The following YWHAE variants were observed in gnomAD, a reference collection of about 807,000 sequenced individuals.
YWHAE encodes 14-3-3 protein epsilon.
Under a neutral mutation model 30.1 loss-of-function variants are expected in YWHAE, and 4 were observed. That is an observed-to-expected ratio of 0.13 (90% CI 0.07 to 0.30). YWHAE has a LOEUF of 0.30. Ranked by LOEUF, YWHAE falls within the 10% of genes least tolerant of loss-of-function variation. YWHAE has a pLI of 1.00. For missense variants in YWHAE, 121 were observed against 315.9 expected (o/e 0.38, Z 4.68); for synonymous variants, 118 against 111.8 (o/e 1.06, Z -0.35).
chr17:1,348,155 A>G (rs2072558287), intron 5 of YWHAE: 1 of 183,360 alleles, frequency 5.5e-6, no homozygotes, highest in South Asian at 1.9e-4. Context: ...CTAAGCAACA[A>G]TCTGTCTACT....
At chr17:1,355,145 A>T (rs1233002955) in intron 4 of YWHAE, among the ~76,000 whole-genome samples, 2 of 117,592 alleles carry the variant, frequency 1.7e-5, no homozygotes, top group East Asian at 2.4e-4. Context: ...AAAAAAAAAA[A>T]AAATTTTTTT....
rs1382873379 is a variant in YWHAE at position 1,345,344 on chromosome 17, TAA to T, written c.*101_*102del. The T allele has an allele frequency of 8.3e-7, 1 of 1,199,248 alleles. No individual in the cohort carries two copies. Among genetic ancestry groups the T allele is most frequent in the African/African-American group, 1.6e-5 (1 of 63,584 alleles). 74.3% of individuals were successfully genotyped at this position (1,199,248 alleles called of 1,614,324 possible). On this transcript the variant is annotated 3_prime_UTR_variant, in exon 6 of 6. Transcript: ENST00000264335. ...GGAACCTAAATTCTGAGACCAAATG[TAA>T]AAGTCAGATTTGGTGGTTCTCAGTG...
intron 1 of YWHAE, among the ~76,000 whole-genome samples, chr17:1,373,696 T>C (rs1294631270): frequency 2.0e-5 from 3 of 151,394 alleles, no homozygotes; most frequent in South Asian, 4.1e-4. Flanking sequence ...TTTGAAATAC[T>C]GCACAAGGTA....
chr17:1,371,898 A>C (rs1266763214), intron 1 of YWHAE, among the ~76,000 whole-genome samples: 7 of 146,448 alleles, frequency 4.8e-5, no homozygotes. Flanking sequence ...GAGTGCTGTC[A>C]CAACGTCTCA....
chr17:1,388,777 TTAAG>T (rs1428277027), intron 1 of YWHAE, among the ~76,000 whole-genome samples: 1 of 152,184 alleles, frequency 6.6e-6, no homozygotes, highest in Non-Finnish European at 1.5e-5. Flanking sequence ...ATATTCTGCA[TTAAG>T]TATTTCATAC....
intron 4 of YWHAE, among the ~76,000 whole-genome samples, chr17:1,357,876 G>A (rs559378674): frequency 6.0e-4 from 91 of 151,444 alleles, no homozygotes; most frequent in African/African-American, 2.1e-3. Context: ...GCAGTGAGCT[G>A]AGATTGCACC....
At chr17:1,355,173 G>T (rs7406584) in intron 4 of YWHAE, among the ~76,000 whole-genome samples, 15,696 of 24,776 alleles carry the variant, frequency 0.63, 4,189 homozygotes, top group South Asian at 0.79. Context: ...TTTTTTTTTT[G>T]GGGGACGGGG....
At chr17:1,392,162 G>A (rs937592355) in intron 1 of YWHAE, among the ~76,000 whole-genome samples, 1 of 151,902 alleles carries the variant, frequency 6.6e-6, no homozygotes, top group African/African-American at 2.4e-5. Flanking sequence ...CCCAGCCTGA[G>A]TAATATACTG....
At chr17:1,393,135 A>AAAATAAATAAAT (rs147882027) in intron 1 of YWHAE, among the ~76,000 whole-genome samples, 7 of 144,258 alleles carry the variant, frequency 4.9e-5, no homozygotes, top group Non-Finnish European at 1.1e-4. Context: ...ATCTCTCCAA[A>AAAATAAATAAAT]AAATAAATAA....
rs369088116 is a variant in YWHAE, at chr17:1,400,030, T to A, written c.64+17A>T. On this transcript the variant is annotated intron_variant, in intron 1 of 5. Transcript: ENST00000264335. ...AGGGTCCGAGAATTCCAGCCCCCCG[T>A]TGCCCCCCCAACTCACCGTCGTATC... 6.8e-4 allele frequency: 635 copies of A among 935,776 alleles called. No homozygotes were observed. Among genetic ancestry groups the A allele is most frequent in the Non-Finnish European group, 9.9e-4 (582 of 590,308 alleles). 58.0% of individuals were successfully genotyped at this position (935,776 alleles called of 1,614,324 possible). A position where few individuals can be genotyped will look rare whatever the true frequency, so the allele number is the denominator to read the frequency against.
chr17:1,389,372 A>G (rs2073355363), intron 1 of YWHAE, among the ~76,000 whole-genome samples: 2 of 152,196 alleles, frequency 1.3e-5, no homozygotes, highest in Admixed American at 6.6e-5. Flanking sequence ...ATTAAGTAGT[A>G]TTTAGTAGCT....
At chr17:1,360,018 A>G (rs989338999) in intron 4 of YWHAE, among the ~76,000 whole-genome samples, 4 of 151,438 alleles carry the variant, frequency 2.6e-5, no homozygotes, top group Admixed American at 6.6e-5. Context: ...GCTACAGTGT[A>G]CTGGTGCAAT....
intron 1 of YWHAE, among the ~76,000 whole-genome samples, chr17:1,395,398 A>G (rs1017801727): frequency 6.6e-6 from 1 of 151,690 alleles, no homozygotes; most frequent in African/African-American, 2.4e-5. Flanking sequence ...GTGTGGTGGC[A>G]CGCGCCTGTA....
At position 1,356,934 on chromosome 17, in the gene YWHAE, T is replaced by A. The variant is rs142855714; in HGVS notation, c.579-2587A>T. ...CTTTCACTTAAAAACCCTACTTTGCTTAAGCAGTTGTCCTCAAACAAACCA... is the reference window on the plus strand; with the variant it reads ...CTTTCACTTAAAAACCCTACTTTGCATAAGCAGTTGTCCTCAAACAAACCA... On this transcript the variant is annotated intron_variant, in intron 4 of 5. Coordinates refer to ENST00000264335, the MANE Select transcript of YWHAE (RefSeq NM_006761.5). 4.8e-3 allele frequency among the ~76,000 whole-genome samples: 723 copies of A among 151,568 alleles called. 5 individuals are homozygous for A. Among genetic ancestry groups the A allele is most frequent in the African/African-American group, 0.017 (686 of 41,284 alleles).
chr17:1,359,385 T>C (rs546512041), intron 4 of YWHAE, among the ~76,000 whole-genome samples: 1 of 151,528 alleles, frequency 6.6e-6, no homozygotes, highest in Non-Finnish European at 1.5e-5. Flanking sequence ...CTCAAGCAAA[T>C]ACTTAGTGCA....
chr17:1,354,976 T>TG (rs2072706572), intron 4 of YWHAE, among the ~76,000 whole-genome samples: 2 of 68,540 alleles, frequency 2.9e-5, no homozygotes, highest in Admixed American at 2.4e-4. Context: ...TTTTTTTTTT[T>TG]TTTTTTTTTT....
intron 2 of YWHAE, among the ~76,000 whole-genome samples, chr17:1,363,455 G>A (rs1316089789): frequency 1.3e-5 from 2 of 151,854 alleles, no homozygotes; most frequent in African/African-American, 4.8e-5. Context: ...TAGTGGAGAC[G>A]GGGTTTCACC....
intron 1 of YWHAE, chr17:1,398,882 A>G (rs188620488): frequency 6.6e-6 from 1 of 152,304 alleles, no homozygotes; most frequent in Non-Finnish European, 1.5e-5. Flanking sequence ...ATATTTCTAC[A>G]TAAACCCATT....
chr17:1,355,148 A>AAAAAAAAATTT (rs1555639303), intron 4 of YWHAE, among the ~76,000 whole-genome samples: 9 of 76,796 alleles, frequency 1.2e-4, no homozygotes, highest in Non-Finnish European at 2.4e-4. Context: ...AAAAAAAAAA[A>AAAAAAAAATTT]TTTTTTTTTT....
Sources: gnomAD v4.1 joint callset for allele counts (sites outside exome capture counted in the v4.1 genomes callset) on GRCh38, gnomAD v4.1.1 for gene constraint, MANE v1.5 for transcripts, NCBI Gene and HGNC (gene_info 2026-07-23, HGNC 2026-07-21) for gene names.